ZNF599: variants seen among roughly 807,000 people sequenced by gnomAD.
ZNF599 encodes the protein zinc finger protein 599.
ZNF599 carries 10 observed loss-of-function variants against 11.7 expected under a neutral mutation model. The ratio of observed to expected loss-of-function variants is 0.86; its 90% CI spans 0.53 to 1.45. The LOEUF (loss-of-function observed/expected upper bound fraction) is 1.45. ZNF599 is among the 40% of genes most tolerant of loss of function. The pLI is 0.00. For missense variants in ZNF599, 688 were observed against 713.6 expected (o/e 0.96, Z 0.41); for synonymous variants, 232 against 253.2 (o/e 0.92, Z 0.79).
chr19:34,762,045 C>T (rs943235306), intron 3 of ZNF599, among the ~76,000 whole-genome samples: 2 of 152,070 alleles, frequency 1.3e-5, no homozygotes, highest in Non-Finnish European at 2.9e-5. Context: ...AAGACCATGG[C>T]GCCAGGAAGA....
chr19:34,805,034 C>T, the ZNF599 span, among the ~76,000 whole-genome samples: 6 of 152,226 alleles, frequency 3.9e-5, no homozygotes, highest in Non-Finnish European at 8.8e-5. Context: ...TCTGCTGATC[C>T]TGCCTATGGG....
the ZNF599 span, among the ~76,000 whole-genome samples, chr19:34,778,758 C>T: frequency 1.3e-5 from 2 of 152,198 alleles, no homozygotes; most frequent in Non-Finnish European, 2.9e-5. Context: ...AAACAAGTCA[C>T]TAACACCATT....
chr19:34,762,345 T>C (rs1386386575), intron 3 of ZNF599, among the ~76,000 whole-genome samples: 4 of 152,132 alleles, frequency 2.6e-5, no homozygotes, highest in African/African-American at 7.2e-5. Context: ...ACATCAACTA[T>C]TGAAGAGGAA....
intron 3 of ZNF599, 155 bp downstream of exon 3, chr19:34,767,161 G>A (rs2069149350): frequency 1.6e-6 from 1 of 607,362 alleles, no homozygotes; most frequent in Non-Finnish European, 2.9e-6. Context: ...GGCAAAGAGT[G>A]TGTGACAGAA....
At chr19:34,777,388 A>ATATAT (rs1568496987), upstream of ZNF599, among the ~76,000 whole-genome samples, 27 of 87,566 alleles carry the variant, frequency 3.1e-4, no homozygotes, top group East Asian at 5.8e-3. Context: ...ATATTAATTA[A>ATATAT]TATATAATAT....
At chr19:34,779,688 G>T in the ZNF599 span, 1 of 312,168 alleles carries the variant, frequency 3.2e-6, no homozygotes, top group South Asian at 2.6e-5. Flanking sequence ...CTCACTTGCT[G>T]TTGAAAGGGT....
At chr19:34,760,663 A>C in intron 3 of ZNF599, 104 bp from the exon 4 acceptor site, 1 of 1,011,592 alleles carries the variant, frequency 9.9e-7, no homozygotes, top group Non-Finnish European at 1.4e-6. Flanking sequence ...AGTGTCTCTG[A>C]TGCCTACTGC....
chr19:34,804,528 G>C, the ZNF599 span, among the ~76,000 whole-genome samples: 1 of 152,194 alleles, frequency 6.6e-6, no homozygotes, highest in African/African-American at 2.4e-5. Flanking sequence ...GTGATGCACA[G>C]CTTCACCTCA....
upstream of ZNF599, among the ~76,000 whole-genome samples, chr19:34,777,408 AT>A (rs1158579650): frequency 1.4e-4 from 13 of 93,728 alleles, no homozygotes; most frequent in Non-Finnish European, 1.4e-4. Flanking sequence ...TATATTATAT[AT>A]AATATATATT....
At chr19:34,765,018 G>C (rs1270376819) in intron 3 of ZNF599, 1 of 151,040 alleles carries the variant, frequency 6.6e-6, no homozygotes, top group African/African-American at 2.4e-5. Context: ...ACAATATGTA[G>C]ATGCTGCTGG....
the ZNF599 span, among the ~76,000 whole-genome samples, chr19:34,778,434 T>A: frequency 1.5e-4 from 22 of 151,284 alleles, no homozygotes; most frequent in African/African-American, 5.3e-4. Flanking sequence ...TTAGAGAAAA[T>A]CAATGAAACT....
chr19:34,773,970 CT>C (rs2069203568), upstream of ZNF599, among the ~76,000 whole-genome samples: 1 of 152,300 alleles, frequency 6.6e-6, no homozygotes, highest in South Asian at 2.1e-4. Flanking sequence ...TTTGCAGACT[CT>C]GATATTTGTC....
chr19:34,791,990 A>G, the ZNF599 span: 7 of 152,244 alleles, frequency 4.6e-5, no homozygotes, highest in African/African-American at 1.7e-4. Context: ...ATGGTGTTCA[A>G]GACAAGAGGA....
the ZNF599 span, among the ~76,000 whole-genome samples, chr19:34,801,905 C>G: frequency 6.6e-6 from 1 of 152,200 alleles, no homozygotes; most frequent in East Asian, 1.9e-4. Flanking sequence ...CCTAAGTATA[C>G]AGTTTCTTCC....
chr19:34,784,813 T>C, the ZNF599 span, among the ~76,000 whole-genome samples: 1 of 151,748 alleles, frequency 6.6e-6, no homozygotes, highest in East Asian at 1.9e-4. Context: ...GCAATCCTCA[T>C]GGCCAGTGAT....
intron 1 of ZNF599, 75 bp downstream of exon 1, chr19:34,772,749 T>A: frequency 3.9e-6 from 6 of 1,532,660 alleles, no homozygotes; most frequent in Non-Finnish European, 5.2e-6. Flanking sequence ...AGTCCCGGCA[T>A]CCGCCGTATT....
the ZNF599 span, among the ~76,000 whole-genome samples, chr19:34,801,916 T>C: frequency 6.6e-6 from 1 of 152,252 alleles, no homozygotes; most frequent in Admixed American, 6.5e-5. Context: ...AGTTTCTTCC[T>C]GGGATATTTT....
Position 34,758,804 on chromosome 19 carries a change from G to T in ZNF599, c.*230C>A. 1.9e-6 allele frequency: 1 copy of T among 520,554 alleles called. No individual in the cohort carries two copies. The highest frequency in any genetic ancestry group is 3.4e-6 in the Non-Finnish European group (1 of 296,026). 32.2% of individuals were successfully genotyped at this position (520,554 alleles called of 1,614,324 possible). ...CGATTATTCTCAGGTACAGTGTAAG[G>T]CTCTAAACTGGGTGAATCTTTAATA... On this transcript the variant is annotated 3_prime_UTR_variant, in exon 4 of 4. Coordinates refer to ENST00000329285, the MANE Select transcript of ZNF599 (RefSeq NM_001007248.3).
At chr19:34,794,802 C>A in the ZNF599 span, among the ~76,000 whole-genome samples, 43 of 152,168 alleles carry the variant, frequency 2.8e-4, no homozygotes, top group African/African-American at 1.0e-3. Context: ...AATTCCTGAC[C>A]TTAAGTGAGC....
Sources: allele counts gnomAD v4.1 joint callset (sites outside exome capture counted in the v4.1 genomes callset), GRCh38; gene constraint gnomAD v4.1.1; transcripts MANE v1.5; gene names NCBI Gene and HGNC (gene_info 2026-07-23, HGNC 2026-07-21).